VAV3: variants seen among roughly 807,000 people sequenced by gnomAD.
VAV3 encodes the protein vav guanine nucleotide exchange factor 3, also known as guanine nucleotide exchange factor VAV3.
VAV3 carries 94 observed loss-of-function variants against 131.2 expected under a neutral mutation model. The ratio of observed to expected loss-of-function variants is 0.72; its 90% confidence interval spans 0.61 to 0.85. The LOEUF is 0.85. Ranked by LOEUF, VAV3 falls within the 40% of genes least tolerant of loss-of-function variation. The pLI, the probability that VAV3 is intolerant of heterozygous loss-of-function variation, is 0.00. For synonymous variants in VAV3, 349 were observed against 342.0 expected (o/e 1.02, Z -0.22); for missense variants, 939 against 1,002.7 (o/e 0.94, Z 0.86).
At chr1:107,871,789 A>G (rs1406424216) in intron 2 of VAV3, among the ~76,000 whole-genome samples, 1 of 152,172 alleles carries the variant, frequency 6.6e-6, no homozygotes, top group East Asian at 1.9e-4. Context: ...AACCCCAAAC[A>G]GAGGGAGAGC....
chr1:107,839,972 T>C (rs965222473), intron 2 of VAV3, among the ~76,000 whole-genome samples: 10 of 152,032 alleles, frequency 6.6e-5, no homozygotes, highest in East Asian at 3.9e-4. Flanking sequence ...ACAGGAGAAA[T>C]AGATAATACC....
intron 19 of VAV3, among the ~76,000 whole-genome samples, chr1:107,646,440 A>G (rs922943446): frequency 1.3e-5 from 2 of 152,074 alleles, no homozygotes; most frequent in East Asian, 3.8e-4. Flanking sequence ...CAGACATTAA[A>G]TGCAAAATAA....
intron 17 of VAV3, among the ~76,000 whole-genome samples, chr1:107,688,870 T>G (rs1329955659): frequency 1.3e-5 from 2 of 152,244 alleles, no homozygotes; most frequent in Non-Finnish European, 1.5e-5. Context: ...GAATTGTTTT[T>G]TGTTAAGTGG....
intron 15 of VAV3, among the ~76,000 whole-genome samples, chr1:107,729,762 C>A (rs543145259): frequency 1.3e-5 from 2 of 152,224 alleles, no homozygotes; most frequent in Admixed American, 1.3e-4. Flanking sequence ...TATGAATTAT[C>A]TCATTGGACT....
intron 19 of VAV3, among the ~76,000 whole-genome samples, chr1:107,653,936 C>G (rs1236579008): frequency 2.0e-5 from 3 of 152,010 alleles, no homozygotes; most frequent in Non-Finnish European, 4.4e-5. Flanking sequence ...TGAAACCATG[C>G]TGAGTTGTGT....
chr1:107,898,209 G>A (rs1451690874), intron 1 of VAV3, among the ~76,000 whole-genome samples: 1 of 152,048 alleles, frequency 6.6e-6, no homozygotes, highest in Non-Finnish European at 1.5e-5. Context: ...TATAATGCAT[G>A]TATACATGTA....
intron 24 of VAV3, among the ~76,000 whole-genome samples, chr1:107,596,672 A>G (rs1168103696): frequency 3.3e-5 from 5 of 152,190 alleles, no homozygotes; most frequent in African/African-American, 1.2e-4. Flanking sequence ...TATTGTTCTT[A>G]TTTATGAAAT....
intron 21 of VAV3, 64 bp from the exon 22 acceptor site, chr1:107,610,029 T>C (rs1652602206): frequency 1.3e-6 from 2 of 1,505,046 alleles, no homozygotes; most frequent in East Asian, 2.3e-5. Context: ...AAATCAATCA[T>C]TAATTCAGTT....
intron 1 of VAV3, among the ~76,000 whole-genome samples, chr1:107,878,686 G>A (rs1478973054): frequency 6.6e-6 from 1 of 152,116 alleles, no homozygotes; most frequent in African/African-American, 2.4e-5. Flanking sequence ...ATGTTAGGGT[G>A]TCCCATCATT....
chr1:107,901,741 A>G (rs1280717640), intron 1 of VAV3, among the ~76,000 whole-genome samples: 1 of 152,194 alleles, frequency 6.6e-6, no homozygotes, highest in Non-Finnish European at 1.5e-5. Flanking sequence ...CTTAGAGATA[A>G]CTACTTAAAA....
intron 19 of VAV3, among the ~76,000 whole-genome samples, chr1:107,671,231 T>C (rs1304726626): frequency 6.6e-6 from 1 of 152,200 alleles, no homozygotes; most frequent in Non-Finnish European, 1.5e-5. Flanking sequence ...TCACACGATT[T>C]TGTTGGGGCA....
intron 3 of VAV3, among the ~76,000 whole-genome samples, chr1:107,778,147 TTAAA>T (rs1282000596): frequency 6.6e-6 from 1 of 152,228 alleles, no homozygotes; most frequent in East Asian, 1.9e-4. Flanking sequence ...TAAATAAGCT[TTAAA>T]TAATTACTAG....
intron 1 of VAV3, among the ~76,000 whole-genome samples, chr1:107,954,392 C>G (rs1368751502): frequency 6.6e-6 from 1 of 152,182 alleles, no homozygotes; most frequent in African/African-American, 2.4e-5. Flanking sequence ...CACTTTCTCT[C>G]TTCCCCTCAT....
chr1:107,617,615 A>G lies in VAV3; in HGVS notation c.1932T>C (p.Ser644=). Residue 644 remains serine, a synonymous_variant, in exon 21 of 27, where the codon TCT becomes TCC. Transcript: ENST00000370056. ...SLFWQGRNLA[S]GEVGFFPSDA... is the part of the protein sequence containing the mutation. ...CACTTGGAAAAAATCCAACCTCTCC[A>G]GATGCTAAATTTCTGCCCTAAGGAA... 1 of 1,610,014 alleles carries G rather than the reference A, an allele frequency of 6.2e-7. No homozygotes were observed. The highest frequency in any genetic ancestry group is 8.5e-7 in the Non-Finnish European group (1 of 1,178,644).
At chr1:107,748,138 C>T (rs1663472373) in intron 15 of VAV3, among the ~76,000 whole-genome samples, 1 of 151,926 alleles carries the variant, frequency 6.6e-6, no homozygotes. Flanking sequence ...TTTCTTAAAA[C>T]AAAGAAAAAA....
intron 2 of VAV3, among the ~76,000 whole-genome samples, chr1:107,872,969 A>T (rs998023683): frequency 2.0e-5 from 3 of 152,212 alleles, no homozygotes; most frequent in African/African-American, 7.2e-5. Flanking sequence ...TTATGAAGCT[A>T]TATCACAAAT....
chr1:107,672,085 T>C (rs1038422126), intron 19 of VAV3: 1 of 151,968 alleles, frequency 6.6e-6, no homozygotes, highest in Admixed American at 6.6e-5. Flanking sequence ...CTGGTCAACA[T>C]GGTGAAACAC....
intron 19 of VAV3, among the ~76,000 whole-genome samples, chr1:107,672,631 TAA>T (rs1309514802): frequency 2.0e-5 from 3 of 152,052 alleles, no homozygotes; most frequent in African/African-American, 7.2e-5. Context: ...TCGATAAATG[TAA>T]GATTGATCTC....
chr1:107,797,921 G>T (rs1435353013), intron 2 of VAV3, among the ~76,000 whole-genome samples: 1 of 152,172 alleles, frequency 6.6e-6, no homozygotes, highest in Non-Finnish European at 1.5e-5. Context: ...TGTACTTCTA[G>T]CAAGTTCTCA....
Sources: gnomAD v4.1 joint callset for allele counts (sites outside exome capture counted in the v4.1 genomes callset) on GRCh38, gnomAD v4.1.1 for gene constraint, MANE v1.5 for transcripts, NCBI Gene and HGNC (gene_info 2026-07-23, HGNC 2026-07-21) for gene names.